PPFIA4: variants seen among roughly 807,000 people sequenced by gnomAD.
PPFIA4 encodes liprin-alpha-4.
PPFIA4 carries 98 observed loss-of-function variants against 145.7 expected under a neutral mutation model. The observed-to-expected ratio is 0.67, with a 90% CI of 0.57 to 0.80. The LOEUF is 0.80. PPFIA4 is among the 30% of genes least tolerant of loss of function. PPFIA4 has a pLI of 0.00. For synonymous variants in PPFIA4, 628 were observed against 649.6 expected, an observed-to-expected ratio of 0.97 and a Z score of 0.51; for missense variants, 1,457 against 1,632.7, an observed-to-expected ratio of 0.89 and a Z score of 1.85.
At position 203,075,093 on chromosome 1, in the gene PPFIA4, A is replaced by G. The variant is rs1662425239; in HGVS notation, c.3394-484A>G. 6.6e-6 allele frequency among the ~76,000 whole-genome samples: 1 copy of G among 152,160 alleles called. No homozygotes were observed. Among genetic ancestry groups the G allele is most frequent in the Non-Finnish European group, 1.5e-5 (1 of 68,008 alleles). The stretch of plus-strand genomic sequence containing the variant: ...TAGCCAGTAAAATGGCAGAGCCAGG[A>G]TTAGAAGCCAGGTGTCTGACTCCCG... On this transcript the variant is annotated intron_variant, in intron 28 of 29. Coordinates refer to ENST00000295706, the MANE Select transcript of PPFIA4 (RefSeq NM_001304331.2). This position sits in a 1 kb window ranked among gnomAD's most constrained non-coding sequence, Gnocchi z 4.1.
At chr1:203,037,984 C>T (rs890777745) in intron 1 of PPFIA4, among the ~76,000 whole-genome samples, 1 of 152,184 alleles carries the variant, frequency 6.6e-6, no homozygotes, top group Non-Finnish European at 1.5e-5. Flanking sequence ...CCAGAGCCTC[C>T]TCCCTGAATT....
intron 1 of PPFIA4, among the ~76,000 whole-genome samples, chr1:203,032,041 C>CGTGTGTGTGTGTGTGTGTGTGT (rs66626205): frequency 2.3e-4 from 33 of 146,460 alleles, no homozygotes; most frequent in East Asian, 8.1e-4. Context: ...TCTGAGAGAA[C>CGTGTGTGTGTGTGTGTGTGTGT]GTGTGTGTGT....
chr1:203,051,966 G>A, intron 14 of PPFIA4, 89 bp downstream of exon 14: 1 of 1,407,868 alleles, frequency 7.1e-7, no homozygotes, highest in Non-Finnish European at 9.7e-7. Context: ...GGTGTGTGGG[G>A]CAAATCCTTC....
At chr1:203,070,917 C>A (rs376114400) in intron 27 of PPFIA4, among the ~76,000 whole-genome samples, 1 of 151,484 alleles carries the variant, frequency 6.6e-6, no homozygotes, top group Non-Finnish European at 1.5e-5. Flanking sequence ...AAGTAGGTGA[C>A]GTCTCTTTAT....
chr1:203,049,880 C>A (rs867042434), intron 13 of PPFIA4, 113 bp downstream of exon 13: 2 of 917,136 alleles, frequency 2.2e-6, no homozygotes, highest in Middle Eastern at 6.9e-4. Flanking sequence ...TCCTCCTGTT[C>A]AGGGTGGGAC....
chr1:203,032,452 A>C (rs1658922389), intron 1 of PPFIA4, among the ~76,000 whole-genome samples: 1 of 102,024 alleles, frequency 9.8e-6, no homozygotes, highest in Admixed American at 1.3e-4. Flanking sequence ...GTTGTTTTTG[A>C]AATAGGGTCT....
At chr1:203,032,590 C>T (rs1031847275) in intron 1 of PPFIA4, among the ~76,000 whole-genome samples, 10 of 149,184 alleles carry the variant, frequency 6.7e-5, no homozygotes, top group Admixed American at 2.7e-4. Flanking sequence ...AGACGCATGC[C>T]GCTGTGCCCA....
At position 203,076,421 on chromosome 1, in the gene PPFIA4, T is replaced by C; in HGVS notation, c.*31T>C. On this transcript the variant is annotated 3_prime_UTR_variant, in exon 30 of 30. Transcript: ENST00000295706. ...GCCCCCAGGGCTGGCTTCCTCCTTC[T>C]GGGTTTCACAGGCTCCTCTGGCCCT... 1.2e-6 allele frequency: 2 copies of C among 1,600,190 alleles called. No homozygotes were observed. The highest frequency in any genetic ancestry group is 2.7e-5 in the African/African-American group (2 of 74,882).
At position 203,067,568 on chromosome 1, in the gene PPFIA4, A is replaced by AGG. The variant is rs143678336; in HGVS notation, c.3051-126_3051-125dup. On this transcript the variant is annotated intron_variant, in intron 25 of 29. Coordinates refer to ENST00000295706, the MANE Select transcript of PPFIA4 (RefSeq NM_001304331.2). ...GCCCTGGGGAAGGAGGAGCATGAGG[A>AGG]GGCTGGGGTGCTCTTTGTGCTGGAG... 1.3e-3 allele frequency: 959 copies of AGG among 746,080 alleles called. 11 individuals are homozygous for AGG. Among genetic ancestry groups the AGG allele is most frequent in the South Asian group, 0.012 (717 of 62,078 alleles). The allele number at this position is 746,080 out of a possible 1,614,324, so 46.2% of individuals were successfully genotyped here. A position where few individuals can be genotyped will look rare whatever the true frequency, so the allele number is the denominator to read the frequency against.
chr1:203,046,506 CGTGTGATTCCAGG>C, intron 9 of PPFIA4, 124 bp downstream of exon 9: 1 of 1,160,916 alleles, frequency 8.6e-7, no homozygotes, highest in East Asian at 2.6e-5. Context: ...TGCTTCCCGC[CGTGTGATTCCAGG>C]GAGCACACTG....
In PPFIA4 at chr1:203,043,270, T is replaced by C; in HGVS notation, c.235-127T>C. ...TTTACTGACCTGCAGTGTGGATGGATTGGGATTTTGTGGGGGAGGTGGTGG... is the reference window on the plus strand; with the variant it reads ...TTTACTGACCTGCAGTGTGGATGGACTGGGATTTTGTGGGGGAGGTGGTGG... On this transcript the variant is annotated intron_variant, in intron 2 of 29. Coordinates refer to ENST00000295706, the MANE Select transcript of PPFIA4 (RefSeq NM_001304331.2). This position sits in a 1 kb window ranked among gnomAD's most constrained non-coding sequence, Gnocchi z 4.4. The C allele has an allele frequency of 1.3e-6, 1 of 761,666 alleles. No homozygotes were observed. The highest frequency in any genetic ancestry group is 2.2e-6 in the Non-Finnish European group (1 of 449,196). 47.2% of individuals were successfully genotyped at this position (761,666 alleles called of 1,614,324 possible).
At chr1:203,052,213 G>A (rs1408548043) in intron 14 of PPFIA4, among the ~76,000 whole-genome samples, 1 of 152,128 alleles carries the variant, frequency 6.6e-6, no homozygotes, top group African/African-American at 2.4e-5. Flanking sequence ...GGGTAAGATG[G>A]AATTGGCAGA....
chr1:203,056,300 G>A (rs12097602), intron 17 of PPFIA4, 75 bp from the exon 18 acceptor site: 252,969 of 1,596,856 alleles, frequency 0.16, 20,854 homozygotes, highest in African/African-American at 0.19. Flanking sequence ...TCCATGCTCC[G>A]CCACCTCTTC....
intron 1 of PPFIA4, among the ~76,000 whole-genome samples, chr1:203,032,101 TA>T (rs1177688557): frequency 2.0e-5 from 3 of 150,822 alleles, no homozygotes; most frequent in African/African-American, 7.3e-5. Flanking sequence ...AGACAATATT[TA>T]AACTAGGGAT....
chr1:203,043,991 G>A lies in PPFIA4; in HGVS notation c.397G>A (p.Val133Met), dbSNP rs1025184246. ...CCATGAACGGTCACTGCGGATGACT[G>A]TGGTGAAGCGCCAGGCCCAGTCACC... ...SRHERSLRMT[V>M]VKRQAQSPSG... is the part of the protein sequence containing the mutation. The change falls in exon 4 of 30, where the codon GTG (valine) becomes ATG (methionine). Residue 133 changes from valine to methionine, a missense_variant. By Grantham distance (21) the Val-to-Met change is conservative (BLOSUM62 1). Around this residue, in one of 3 missense-constraint regions of PPFIA4, gnomAD observed 463 missense variants for 459.8 expected, o/e 1.01. Coordinates refer to ENST00000295706, the MANE Select transcript of PPFIA4 (RefSeq NM_001304331.2). The surrounding 1 kb of genome is among the most constrained non-coding windows in gnomAD (Gnocchi z 4.4). 6.2e-7 allele frequency: 1 copy of A among 1,612,498 alleles called. No homozygotes were observed. Among genetic ancestry groups the A allele is most frequent in the South Asian group, 1.1e-5 (1 of 91,040 alleles).
In PPFIA4 at chr1:203,045,969, G is replaced by A; in HGVS notation, c.987G>A (p.Lys329=). Residue 329 remains lysine (K), a synonymous_variant, in exon 8 of 30, where the codon AAG becomes AAA. Coordinates refer to ENST00000295706, the MANE Select transcript of PPFIA4 (RefSeq NM_001304331.2). ...AGCTGGAGAATGAGCTGGCCAACAA[G>A]GAGTCCCTGCACCGCCAGGTACCTC... is the stretch of plus-strand genomic sequence containing the variant. ...NDKLENELAN[K]ESLHRQCEEK... 1 of 1,612,728 alleles carries A rather than the reference G, an allele frequency of 6.2e-7. No individual in the cohort carries two copies. The highest frequency in any genetic ancestry group is 1.3e-5 in the African/African-American group (1 of 75,010).
At position 203,076,516 on chromosome 1, in the gene PPFIA4, A is replaced by G; in HGVS notation, c.*126A>G. 1.1e-6 allele frequency: 1 copy of G among 945,996 alleles called. No homozygotes were observed. The highest frequency in any genetic ancestry group is 2.4e-5 in the East Asian group (1 of 41,450). 58.6% of individuals were successfully genotyped at this position (945,996 alleles called of 1,614,324 possible). On this transcript the variant is annotated 3_prime_UTR_variant, in exon 30 of 30. Transcript: ENST00000295706. Reference sequence around the variant, plus strand: ...GTCCGTGACTTTCCGGTTGCCCTGGATCTCAGAATATATTCGTCCACCCCC... The same window carrying G: ...GTCCGTGACTTTCCGGTTGCCCTGGGTCTCAGAATATATTCGTCCACCCCC...
At chr1:203,071,362 G>A (rs1025472058) in intron 27 of PPFIA4, among the ~76,000 whole-genome samples, 2 of 150,990 alleles carry the variant, frequency 1.3e-5, no homozygotes, top group East Asian at 1.9e-4. Flanking sequence ...TCGTAGAGAC[G>A]GGGTTTCACT....
Position 203,048,421 on chromosome 1 carries a change from G to T in PPFIA4, c.1224+111G>T. Reference sequence around the variant, plus strand: ...GGGCCTGGCCAGGGACACAGCCACAGAGAGTGGGAGGAGGCTGGCAGGTGA... The same window carrying T: ...GGGCCTGGCCAGGGACACAGCCACATAGAGTGGGAGGAGGCTGGCAGGTGA... On this transcript the variant is annotated intron_variant, in intron 10 of 29. Coordinates refer to ENST00000295706, the MANE Select transcript of PPFIA4 (RefSeq NM_001304331.2). The surrounding 1 kb of genome is among the most constrained non-coding windows in gnomAD (Gnocchi z 5.8). 1 of 1,468,206 alleles carries T rather than the reference G, an allele frequency of 6.8e-7. No homozygotes were observed. The highest frequency in any genetic ancestry group is 1.2e-5 in the South Asian group (1 of 82,278). The allele number at this position is 1,468,206 out of a possible 1,614,324, so 90.9% of individuals were successfully genotyped here.
Sources: allele counts gnomAD v4.1 joint callset (sites outside exome capture counted in the v4.1 genomes callset), GRCh38; gene constraint gnomAD v4.1.1; regional missense constraint gnomAD v4.1.1; non-coding constraint Gnocchi (gnomAD v3.1); transcripts MANE v1.5; gene names NCBI Gene and HGNC (gene_info 2026-07-23, HGNC 2026-07-21).